Variants in MS4A4E observed in about 807,000 individuals in gnomAD.
MS4A4E encodes the protein putative membrane-spanning 4-domains subfamily A member 4E.
Under a neutral mutation model 13.3 loss-of-function variants are expected in MS4A4E, and 23 were observed. That is an observed-to-expected ratio of 1.73 (90% CI 1.25 to 2.45). The LOEUF (loss-of-function observed/expected upper bound fraction) is 2.45, where lower values mean the gene tolerates loss of function less well. Among genes scored for constraint, MS4A4E ranks in the 30% most tolerant of loss-of-function variants. The probability of loss-of-function intolerance (pLI) is 0.00; values close to 1 mark genes in which losing one functional copy is unlikely to be tolerated. For missense variants in MS4A4E, 144 were observed against 131.2 expected, an observed-to-expected ratio of 1.10 and a Z score of -0.48; for synonymous variants, 36 against 45.6, an observed-to-expected ratio of 0.79 and a Z score of 0.85.
At chr11:60,241,389 G>T (rs1373285397) in intron 1 of MS4A4E, among the ~76,000 whole-genome samples, 1 of 152,170 alleles carries the variant, frequency 6.6e-6, no homozygotes, top group East Asian at 1.9e-4. Context: ...GAGAATTTAG[G>T]ACATGTTGGG....
At chr11:60,204,414 A>T (rs951808824) in intron 8 of MS4A4E, among the ~76,000 whole-genome samples, 1 of 152,226 alleles carries the variant, frequency 6.6e-6, no homozygotes, top group Non-Finnish European at 1.5e-5. Flanking sequence ...AGCAAATTAC[A>T]TCAACTCAAC....
chr11:60,226,367 CA>C (rs1484944326), intron 3 of MS4A4E, among the ~76,000 whole-genome samples: 1 of 150,774 alleles, frequency 6.6e-6, no homozygotes, highest in Non-Finnish European at 1.5e-5. Context: ...CTCTGGTGAA[CA>C]AAGATGCAAA....
chr11:60,236,855 G>A (rs1243291878), intron 1 of MS4A4E, among the ~76,000 whole-genome samples: 1 of 151,670 alleles, frequency 6.6e-6, no homozygotes, highest in East Asian at 1.9e-4. Context: ...TCCTGCCTCA[G>A]CCTCCCGAAT....
chr11:60,217,981 C>T (rs1469541916), intron 3 of MS4A4E, among the ~76,000 whole-genome samples: 1 of 152,162 alleles, frequency 6.6e-6, no homozygotes, highest in Non-Finnish European at 1.5e-5. Flanking sequence ...AGAACAGAGC[C>T]ATATTTCTCT....
chr11:60,221,152 G>A (rs1415823756), intron 3 of MS4A4E, among the ~76,000 whole-genome samples: 2 of 152,152 alleles, frequency 1.3e-5, no homozygotes, highest in South Asian at 4.1e-4. Context: ...CTCTTGCCCT[G>A]TTACTGGACT....
At chr11:60,230,548 TC>T (rs1203399889) in intron 1 of MS4A4E, among the ~76,000 whole-genome samples, 6 of 152,134 alleles carry the variant, frequency 3.9e-5, no homozygotes, top group Admixed American at 3.9e-4. Flanking sequence ...CTGAAAATCT[TC>T]CCATGTAACC....
intron 3 of MS4A4E, among the ~76,000 whole-genome samples, chr11:60,221,421 T>A: frequency 6.6e-6 from 1 of 151,992 alleles, no homozygotes; most frequent in Middle Eastern, 3.4e-3. Context: ...CAGCCTGCAC[T>A]GATGGTCTCA....
intron 1 of MS4A4E, among the ~76,000 whole-genome samples, chr11:60,239,167 T>C (rs2084518858): frequency 6.6e-6 from 1 of 152,214 alleles, no homozygotes; most frequent in African/African-American, 2.4e-5. Flanking sequence ...TACCCGGATT[T>C]AAATTTTGGC....
At chr11:60,230,531 C>A (rs1435050455) in intron 1 of MS4A4E, among the ~76,000 whole-genome samples, 2 of 152,168 alleles carry the variant, frequency 1.3e-5, no homozygotes, top group Non-Finnish European at 2.9e-5. Context: ...CAGCTAAATT[C>A]TCAGGGCTGA....
At chr11:60,229,317 A>G (rs2084379247) in intron 2 of MS4A4E, among the ~76,000 whole-genome samples, 1 of 152,260 alleles carries the variant, frequency 6.6e-6, no homozygotes, top group Non-Finnish European at 1.5e-5. Flanking sequence ...AAAATGAATA[A>G]TGCAAAAAAA....
chr11:60,225,055 C>T (rs1329289118), intron 3 of MS4A4E: 1 of 1,566,706 alleles, frequency 6.4e-7, no homozygotes, highest in Middle Eastern at 1.7e-4. Flanking sequence ...TTATTATTCC[C>T]ATGCTAAGGC....
chr11:60,239,600 G>T (rs777853997), intron 1 of MS4A4E, among the ~76,000 whole-genome samples: 1 of 152,270 alleles, frequency 6.6e-6, no homozygotes, highest in Admixed American at 6.5e-5. Flanking sequence ...TCAAAGATTG[G>T]TCAGAAGAGT....
chr11:60,214,712 A>G lies in MS4A4E; in HGVS notation c.179-98T>C, dbSNP rs2084168837. 3.0e-5 allele frequency: 21 copies of G among 691,818 alleles called. No homozygotes were observed. The South Asian group carries it at 4.0e-4, about 13-fold the overall frequency. 42.9% of individuals were successfully genotyped at this position (691,818 alleles called of 1,614,324 possible). The stretch of plus-strand genomic sequence containing the variant: ...CTTAGTAAACTTTATTCCAAATTAG[A>G]TAGATATGTATAAACAGGTCAATTA... On this transcript the variant is annotated intron_variant, in intron 3 of 8. Transcript: ENST00000651255.
rs1284604691 is a variant in MS4A4E at position 60,228,590 on chromosome 11, T to G, written c.178+4A>C. 1.3e-5 allele frequency: 9 copies of G among 698,076 alleles called. No homozygotes were observed. In the Admixed American group the frequency reaches 1.6e-4, roughly 13 times the overall value. The allele number at this position is 698,076 out of a possible 1,614,324, so 43.2% of individuals were successfully genotyped here. ...TTACAATACAATATAGTAATCATAC[T>G]TACCCGAATGAGTTGAAAACTTATG... On this transcript the variant is annotated splice_donor_region_variant and intron_variant, in intron 3 of 8. Coordinates refer to ENST00000651255, the MANE Select transcript of MS4A4E (RefSeq NM_001393391.1).
At position 60,201,696 on chromosome 11, in the gene MS4A4E, G is replaced by A. The variant is rs191002921; in HGVS notation, c.843C>T (p.Asp281=). Residue 281 remains aspartate, a synonymous_variant, in exon 9 of 9, where the codon GAC becomes GAT. Transcript: ENST00000651255. ...GCAGCCAGGCAGAGGGGCTCCTCACGTCCCAGACGATAGGCGGCCAGGCAG... is the reference window on the plus strand; with the variant it reads ...GCAGCCAGGCAGAGGGGCTCCTCACATCCCAGACGATAGGCGGCCAGGCAG... ...SVSAWPPIVW[D]VRSPSAWLPS... 0.014 allele frequency: 3,385 copies of A among 241,610 alleles called. 26 individuals carry two copies. The highest frequency in any genetic ancestry group is 0.039 in the Middle Eastern group (24 of 610). 15.0% of individuals were successfully genotyped at this position (241,610 alleles called of 1,614,324 possible). A position where few individuals can be genotyped will look rare whatever the true frequency, so the allele number is the denominator to read the frequency against.
intron 1 of MS4A4E, among the ~76,000 whole-genome samples, chr11:60,235,942 T>C (rs2084477533): frequency 6.6e-6 from 1 of 152,238 alleles, no homozygotes; most frequent in African/African-American, 2.4e-5. Context: ...TGAGCTGTTT[T>C]GTTTGGTGTA....
intron 8 of MS4A4E, 33 bp from the exon 9 acceptor site, chr11:60,201,912 A>T: frequency 5.9e-6 from 1 of 168,970 alleles, no homozygotes; most frequent in South Asian, 1.2e-4. Context: ...TTTAGTCCCA[A>T]GTATACTGAC....
chr11:60,202,639 A>G (rs542936968), intron 8 of MS4A4E, among the ~76,000 whole-genome samples: 3 of 152,288 alleles, frequency 2.0e-5, no homozygotes, highest in African/African-American at 7.2e-5. Flanking sequence ...AGTTTTTCCT[A>G]AACACAAAAT....
Position 60,214,560 on chromosome 11 carries a change from A to G in MS4A4E, c.222+11T>C. ...CTTTCCTTTTGATACCCCCCACAAAACATTACTCACCAGACCTTTTGTTGT... is the reference window on the plus strand; with the variant it reads ...CTTTCCTTTTGATACCCCCCACAAAGCATTACTCACCAGACCTTTTGTTGT... On this transcript the variant is annotated intron_variant, in intron 4 of 8. Coordinates refer to ENST00000651255, the MANE Select transcript of MS4A4E (RefSeq NM_001393391.1). The G allele has an allele frequency of 6.6e-7, 1 of 1,510,064 alleles. No homozygotes were observed. Among genetic ancestry groups the G allele is most frequent in the Non-Finnish European group, 8.8e-7 (1 of 1,130,426 alleles). 93.5% of individuals were successfully genotyped at this position (1,510,064 alleles called of 1,614,324 possible).
Sources: allele counts gnomAD v4.1 joint callset (sites outside exome capture counted in the v4.1 genomes callset), GRCh38; gene constraint gnomAD v4.1.1; transcripts MANE v1.5; gene names NCBI Gene and HGNC (gene_info 2026-07-23, HGNC 2026-07-21).